The following CDH13 variants were observed in gnomAD, a reference collection of about 807,000 sequenced individuals.
CDH13 encodes the protein cadherin 13, also known as cadherin-13.
In CDH13, 24 loss-of-function variants were observed where a neutral mutation model predicts 63.8. The ratio of observed to expected loss-of-function variants is 0.38; its 90% confidence interval spans 0.27 to 0.53. The LOEUF (loss-of-function observed/expected upper bound fraction) is 0.53, where lower values mean the gene tolerates loss of function less well. Among genes scored for constraint, CDH13 ranks in the 20% least tolerant of loss-of-function variants. CDH13 has a pLI of 0.85. For synonymous variants in CDH13, 503 were observed against 355.3 expected, an observed-to-expected ratio of 1.42 and a Z score of -4.67; for missense variants, 1,049 against 903.1, an observed-to-expected ratio of 1.16 and a Z score of -2.07.
At chr16:83,527,371 C>T (rs1273491166) in intron 7 of CDH13, among the ~76,000 whole-genome samples, 1 of 151,946 alleles carries the variant, frequency 6.6e-6, no homozygotes. Context: ...ATGGCGTGAA[C>T]CCAGGAGGCA....
chr16:82,652,985 T>C (rs559112298), intron 1 of CDH13, among the ~76,000 whole-genome samples: 3 of 152,320 alleles, frequency 2.0e-5, no homozygotes, highest in East Asian at 1.9e-4. Flanking sequence ...TTTGTAGAAG[T>C]TGGGGGTAAA....
intron 10 of CDH13, among the ~76,000 whole-genome samples, chr16:83,688,131 A>T (rs986524571): frequency 6.6e-6 from 1 of 152,240 alleles, no homozygotes. Context: ...TGATTCATCA[A>T]GTCCTTTTCT....
At chr16:83,627,070 C>G (rs952718528) in intron 8 of CDH13, among the ~76,000 whole-genome samples, 1 of 151,568 alleles carries the variant, frequency 6.6e-6, no homozygotes, top group Non-Finnish European at 1.5e-5. Context: ...ATTACCTAAG[C>G]TCAGGAGTTC....
At chr16:83,554,519 T>A (rs987358606) in intron 7 of CDH13, among the ~76,000 whole-genome samples, 2 of 152,142 alleles carry the variant, frequency 1.3e-5, no homozygotes, top group East Asian at 3.8e-4. Flanking sequence ...GCCACTTATG[T>A]TAAAATTTTT....
At chr16:83,497,956 C>G (rs1407242432) in intron 7 of CDH13, among the ~76,000 whole-genome samples, 2 of 152,224 alleles carry the variant, frequency 1.3e-5, no homozygotes, top group Non-Finnish European at 2.9e-5. Flanking sequence ...CACATTTTGA[C>G]AGCATAGTTC....
At chr16:82,971,454 C>T (rs1039781636) in intron 2 of CDH13, among the ~76,000 whole-genome samples, 1 of 152,184 alleles carries the variant, frequency 6.6e-6, no homozygotes, top group African/African-American at 2.4e-5. Context: ...AGATGTGTAT[C>T]ATCACCTGTA....
At chr16:83,068,504 G>A (rs564239642) in intron 3 of CDH13, among the ~76,000 whole-genome samples, 1 of 152,252 alleles carries the variant, frequency 6.6e-6, no homozygotes, top group Non-Finnish European at 1.5e-5. Flanking sequence ...GCTGTATGCG[G>A]TACAATTCTC....
At chr16:83,035,852 G>A (rs538239939) in intron 3 of CDH13, among the ~76,000 whole-genome samples, 1 of 152,160 alleles carries the variant, frequency 6.6e-6, no homozygotes. Context: ...TCAATGAGAC[G>A]ATACATGTAG....
At chr16:82,720,168 G>A (rs922002393) in intron 1 of CDH13, among the ~76,000 whole-genome samples, 2 of 152,068 alleles carry the variant, frequency 1.3e-5, no homozygotes, top group East Asian at 3.9e-4. Context: ...AGTGAGTGAC[G>A]GTGGTCGTAG....
At chr16:82,692,751 T>A (rs781735886) in intron 1 of CDH13, among the ~76,000 whole-genome samples, 6 of 152,150 alleles carry the variant, frequency 3.9e-5, no homozygotes, top group Non-Finnish European at 8.8e-5. Context: ...ATTCCTAGTT[T>A]CCGTGGAGCT....
chr16:83,350,437 T>C (rs752048362), intron 6 of CDH13, among the ~76,000 whole-genome samples: 1 of 152,384 alleles, frequency 6.6e-6, no homozygotes, highest in Middle Eastern at 3.4e-3. Context: ...CTTAGGCATG[T>C]CTGATCCTTC....
chr16:82,838,669 T>A (rs2038874199), intron 1 of CDH13, among the ~76,000 whole-genome samples: 1 of 152,234 alleles, frequency 6.6e-6, no homozygotes. Flanking sequence ...CTTAAGAAGT[T>A]GATGGTTTTG....
intron 1 of CDH13, among the ~76,000 whole-genome samples, chr16:82,759,337 G>A (rs2034741136): frequency 6.6e-6 from 1 of 152,034 alleles, no homozygotes; most frequent in Non-Finnish European, 1.5e-5. Flanking sequence ...CTTTGCTTTT[G>A]GGATTATTCA....
intron 1 of CDH13, among the ~76,000 whole-genome samples, chr16:82,781,974 G>T (rs1409496007): frequency 6.6e-6 from 1 of 152,242 alleles, no homozygotes; most frequent in African/African-American, 2.4e-5. Flanking sequence ...AGGCACACAT[G>T]TGAACCTAAA....
chr16:83,519,651 C>T (rs1043455343), intron 7 of CDH13, among the ~76,000 whole-genome samples: 1 of 152,104 alleles, frequency 6.6e-6, no homozygotes, highest in African/African-American at 2.4e-5. Context: ...CCAAAATTAG[C>T]TGTTCAAAGA....
intron 1 of CDH13, among the ~76,000 whole-genome samples, chr16:82,684,917 A>G (rs1914907548): frequency 6.6e-6 from 1 of 152,214 alleles, no homozygotes; most frequent in Non-Finnish European, 1.5e-5. Context: ...AATATAAATC[A>G]CATTTAAGTA....
chr16:82,749,330 C>T (rs2034314600), intron 1 of CDH13, among the ~76,000 whole-genome samples: 1 of 152,128 alleles, frequency 6.6e-6, no homozygotes, highest in Non-Finnish European at 1.5e-5. Flanking sequence ...GCATTACATT[C>T]AATGAGGCTT....
At position 82,948,471 on chromosome 16, in the gene CDH13, T is replaced by C. The variant is rs1904967931; in HGVS notation, c.158-83539T>C. 2.0e-5 allele frequency among the ~76,000 whole-genome samples: 3 copies of C among 152,182 alleles called. No individual in the cohort carries two copies. In the South Asian group the frequency reaches 6.2e-4, roughly 32 times the overall value. Reference sequence around the variant, plus strand: ...CTTCATCACAGTCCCAAAAAATACATTTGTGTTTCTTCCTTGAAGAAGAAT... The same window carrying C: ...CTTCATCACAGTCCCAAAAAATACACTTGTGTTTCTTCCTTGAAGAAGAAT... On this transcript the variant is annotated intron_variant, in intron 2 of 13. Coordinates refer to ENST00000567109, the MANE Select transcript of CDH13 (RefSeq NM_001257.5).
chr16:83,139,002 C>T (rs1378938767), intron 4 of CDH13, among the ~76,000 whole-genome samples: 4 of 151,864 alleles, frequency 2.6e-5, no homozygotes, highest in South Asian at 2.1e-4. Context: ...AAGTAACCTG[C>T]GGAGGTGTTA....
Sources: gnomAD v4.1 joint callset for allele counts (sites outside exome capture counted in the v4.1 genomes callset) on GRCh38, gnomAD v4.1.1 for gene constraint, MANE v1.5 for transcripts, NCBI Gene and HGNC (gene_info 2026-07-23, HGNC 2026-07-21) for gene names.